CALCRL: variants seen among roughly 807,000 people sequenced by gnomAD.
The protein encoded by CALCRL is calcitonin receptor like receptor.
CALCRL carries 27 observed loss-of-function variants against 60.4 expected under a neutral mutation model. That is an observed-to-expected ratio of 0.45 (90% confidence interval 0.33 to 0.62). The LOEUF (loss-of-function observed/expected upper bound fraction) is 0.62, where lower values mean the gene tolerates loss of function less well. CALCRL is among the 20% of genes least tolerant of loss of function. CALCRL has a pLI of 0.03. For missense variants in CALCRL, 424 were observed against 540.7 expected (o/e 0.78, Z 2.14); for synonymous variants, 190 against 182.6 (o/e 1.04, Z -0.33).
intron 7 of CALCRL, 140 bp downstream of exon 7, chr2:187,380,327 T>G: frequency 1.9e-6 from 1 of 538,842 alleles, no homozygotes. Flanking sequence ...TATTTCTTCT[T>G]TATTCTTCTC....
At chr2:187,376,911 A>G (rs1015060988) in intron 8 of CALCRL, among the ~76,000 whole-genome samples, 2 of 152,124 alleles carry the variant, frequency 1.3e-5, no homozygotes, top group African/African-American at 2.4e-5. Context: ...TTAGTTTTTA[A>G]TTTGCAGAGA....
At chr2:187,416,049 A>G (rs1689590572) in intron 1 of CALCRL, among the ~76,000 whole-genome samples, 1 of 152,178 alleles carries the variant, frequency 6.6e-6, no homozygotes. Context: ...TGCTCAGCCA[A>G]TAATAATAAT....
At chr2:187,353,428 C>T (rs965474670) in intron 12 of CALCRL, among the ~76,000 whole-genome samples, 10 of 151,814 alleles carry the variant, frequency 6.6e-5, no homozygotes, top group African/African-American at 2.2e-4. Flanking sequence ...TAGTAGTTTC[C>T]CATTTATTAT....
Position 187,342,926 on chromosome 2 carries a change from A to G in CALCRL, c.*3258T>C, listed in dbSNP as rs1179350232. ...GAGCCATGAATATGCCCTCTTTAAAAATTACCTTTAAATACTTATTTTTCT... is the reference window on the plus strand; with the variant it reads ...GAGCCATGAATATGCCCTCTTTAAAGATTACCTTTAAATACTTATTTTTCT... On this transcript the variant is annotated 3_prime_UTR_variant, in exon 15 of 15. Coordinates refer to ENST00000392370, the MANE Select transcript of CALCRL (RefSeq NM_005795.6). Among the ~76,000 whole-genome samples the G allele has an allele frequency of 6.6e-6, 1 of 151,596 alleles. No individual in the cohort carries two copies. Among genetic ancestry groups the G allele is most frequent in the Non-Finnish European group, 1.5e-5 (1 of 67,608 alleles).
intron 1 of CALCRL, among the ~76,000 whole-genome samples, chr2:187,420,599 T>C (rs1689826985): frequency 1.3e-5 from 2 of 152,150 alleles, no homozygotes; most frequent in South Asian, 4.1e-4. Context: ...AAATTGATGG[T>C]AAATATTATA....
At chr2:187,361,154 T>G (rs563982532) in intron 9 of CALCRL, among the ~76,000 whole-genome samples, 7 of 112,560 alleles carry the variant, frequency 6.2e-5, no homozygotes, top group Non-Finnish European at 7.3e-5. Flanking sequence ...TAAAACCAAT[T>G]CATTAAAAGT....
In CALCRL at chr2:187,383,319, A is replaced by T. The variant is rs965936397; in HGVS notation, c.52-14T>A. On this transcript the variant is annotated splice_polypyrimidine_tract_variant and intron_variant, in intron 4 of 14. Coordinates refer to ENST00000392370, the MANE Select transcript of CALCRL (RefSeq NM_005795.6). ...TGTAACAAGAATCTAAGGGATTAAA[A>T]AAACAACAACATCAACTTCATGAAA... The T allele has an allele frequency of 1.3e-6, 2 of 1,581,054 alleles. No individual in the cohort carries two copies. The highest frequency in any genetic ancestry group is 4.5e-5 in the East Asian group (2 of 43,982).
intron 12 of CALCRL, among the ~76,000 whole-genome samples, chr2:187,355,757 ACT>A (rs1484915816): frequency 2.0e-5 from 3 of 152,154 alleles, no homozygotes; most frequent in African/African-American, 7.2e-5. Flanking sequence ...AACCCCATCG[ACT>A]CAGCCAAAAA....
intron 1 of CALCRL, among the ~76,000 whole-genome samples, chr2:187,426,143 G>T (rs1690108452): frequency 6.6e-6 from 1 of 151,472 alleles, no homozygotes; most frequent in Non-Finnish European, 1.5e-5. Context: ...AATAAAGGTA[G>T]CACGGAGCAA....
intron 1 of CALCRL, among the ~76,000 whole-genome samples, chr2:187,424,264 G>A (rs1216972247): frequency 6.6e-6 from 1 of 151,968 alleles, no homozygotes; most frequent in African/African-American, 2.4e-5. Context: ...TGGCAGGAAT[G>A]TTTTAGATTC....
rs1038629480 is a variant in CALCRL at position 187,343,975 on chromosome 2, A to G, written c.*2209T>C. The G allele has an allele frequency of 6.6e-6, 1 of 151,498 alleles. No individual in the cohort carries two copies. The highest frequency in any genetic ancestry group is 1.5e-5 in the Non-Finnish European group (1 of 67,616). 9.4% of individuals were successfully genotyped at this position (151,498 alleles called of 1,614,324 possible). A position where few individuals can be genotyped will look rare whatever the true frequency, so the allele number is the denominator to read the frequency against. On this transcript the variant is annotated 3_prime_UTR_variant, in exon 15 of 15. Coordinates refer to ENST00000392370, the MANE Select transcript of CALCRL (RefSeq NM_005795.6). ...CACAACAAAAATACTTGAAAATTAC[A>G]TGTTTATTTTAATATAATCTCTGAT...
intron 1 of CALCRL, among the ~76,000 whole-genome samples, chr2:187,435,207 T>C (rs1559078695): frequency 6.6e-6 from 1 of 152,118 alleles, no homozygotes; most frequent in Non-Finnish European, 1.5e-5. Flanking sequence ...GGCTCCAGCA[T>C]CTGTTTCTGG....
chr2:187,445,537 G>A (rs1691138297), intron 1 of CALCRL, among the ~76,000 whole-genome samples: 1 of 151,436 alleles, frequency 6.6e-6, no homozygotes, highest in East Asian at 1.9e-4. Flanking sequence ...CTTTTGCCAT[G>A]TAGATAAAAT....
At chr2:187,435,823 G>C (rs1690613872) in intron 1 of CALCRL, among the ~76,000 whole-genome samples, 1 of 151,406 alleles carries the variant, frequency 6.6e-6, no homozygotes. Flanking sequence ...TTTTGGAACA[G>C]CAATAATGAC....
At chr2:187,437,097 A>G (rs1046382506) in intron 1 of CALCRL, among the ~76,000 whole-genome samples, 1 of 152,126 alleles carries the variant, frequency 6.6e-6, no homozygotes, top group Admixed American at 6.6e-5. Flanking sequence ...TTTTTGGGTC[A>G]ATCTCCCAAG....
chr2:187,385,463 A>C lies in CALCRL; in HGVS notation c.51+82T>G, dbSNP rs1574258296. On this transcript the variant is annotated intron_variant, in intron 4 of 14. Coordinates refer to ENST00000392370, the MANE Select transcript of CALCRL (RefSeq NM_005795.6). The stretch of plus-strand genomic sequence containing the variant: ...AAAAATGTAACTAATTTCTGTATCT[A>C]GTAACTTCATTAATATTCTTTATCA... 3 of 708,576 alleles carry C rather than the reference A, an allele frequency of 4.2e-6. No homozygotes were observed. The East Asian group carries it at 8.3e-5, about 20-fold the overall frequency. 43.9% of individuals were successfully genotyped at this position (708,576 alleles called of 1,614,324 possible).
intron 1 of CALCRL, among the ~76,000 whole-genome samples, chr2:187,403,687 A>T (rs1688993923): frequency 6.6e-6 from 1 of 151,874 alleles, no homozygotes; most frequent in African/African-American, 2.4e-5. Flanking sequence ...AACTAGAGGT[A>T]AAAGGACAGG....
intron 8 of CALCRL, among the ~76,000 whole-genome samples, chr2:187,363,955 G>A (rs991552463): frequency 6.6e-6 from 1 of 152,100 alleles, no homozygotes; most frequent in Non-Finnish European, 1.5e-5. Context: ...ATAAAACTGT[G>A]TGTTTTGTTG....
At chr2:187,406,889 G>T (rs1241554371) in intron 1 of CALCRL, among the ~76,000 whole-genome samples, 1 of 152,010 alleles carries the variant, frequency 6.6e-6, no homozygotes, top group Admixed American at 6.6e-5. Flanking sequence ...TGGAAAAAAT[G>T]GAGCTATTTT....
Sources: allele counts gnomAD v4.1 joint callset (sites outside exome capture counted in the v4.1 genomes callset), GRCh38; gene constraint gnomAD v4.1.1; transcripts MANE v1.5; gene names NCBI Gene and HGNC (gene_info 2026-07-23, HGNC 2026-07-21).